Variants in ST6GAL1 observed in about 807,000 individuals in gnomAD.
ST6GAL1 encodes the protein beta-galactoside alpha-2,6-sialyltransferase 1.
Under a neutral mutation model 38.0 loss-of-function variants are expected in ST6GAL1, and 20 were observed. The ratio of observed to expected loss-of-function variants is 0.53; its 90% confidence interval spans 0.37 to 0.77. ST6GAL1 has a LOEUF of 0.77. ST6GAL1 is among the 30% of genes least tolerant of loss of function. The pLI, the probability that ST6GAL1 is intolerant of heterozygous loss-of-function variation, is 0.00. For synonymous variants in ST6GAL1, 196 were observed against 188.2 expected, an observed-to-expected ratio of 1.04 and a Z score of -0.34; for missense variants, 432 against 496.4, an observed-to-expected ratio of 0.87 and a Z score of 1.23.
chr3:187,017,865 G>T (rs951567805), intron 2 of ST6GAL1, among the ~76,000 whole-genome samples: 1 of 152,212 alleles, frequency 6.6e-6, no homozygotes, highest in Non-Finnish European at 1.5e-5. Flanking sequence ...AGTAGACATT[G>T]TCCTCACTAA....
At chr3:187,006,711 A>C (rs1040717228) in intron 2 of ST6GAL1, among the ~76,000 whole-genome samples, 3 of 152,244 alleles carry the variant, frequency 2.0e-5, no homozygotes, top group Non-Finnish European at 4.4e-5. Context: ...GAATTTTGGC[A>C]ATCTGGCCCC....
rs1478989785 is a variant in ST6GAL1, at chr3:186,969,088, G to C, written c.-183+5162G>C. Among the ~76,000 whole-genome samples, 46 of 118,150 alleles carry C rather than the reference G, an allele frequency of 3.9e-4. 1 individual carries two copies. In the Admixed American group the frequency reaches 5.2e-3, roughly 13 times the overall value. The allele number at this position is 118,150 out of a possible 152,430, so 77.5% of individuals were successfully genotyped here. A position where few individuals can be genotyped will look rare whatever the true frequency, so the allele number is the denominator to read the frequency against. Reference sequence around the variant, plus strand: ...TTTTTTTGAGACAGATTCTCACTCTGTGGGCCAGGCTGGAATGCAGTGGCG... The same window carrying C: ...TTTTTTTGAGACAGATTCTCACTCTCTGGGCCAGGCTGGAATGCAGTGGCG... On this transcript the variant is annotated intron_variant, in intron 2 of 7. Transcript: ENST00000169298.
At chr3:186,967,418 CT>C in intron 2 of ST6GAL1, among the ~76,000 whole-genome samples, 1 of 152,330 alleles carries the variant, frequency 6.6e-6, no homozygotes, top group East Asian at 1.9e-4. Flanking sequence ...TCTCGAGCTC[CT>C]GACCTCAGGT....
intron 2 of ST6GAL1, among the ~76,000 whole-genome samples, chr3:187,018,116 G>A (rs911387950): frequency 3.9e-5 from 6 of 152,308 alleles, no homozygotes; most frequent in Admixed American, 3.3e-4. Context: ...TTTGCCTGGT[G>A]AGTGCTGAGA....
At chr3:187,003,226 CAGACAGGAGG>C (rs1471743102) in intron 2 of ST6GAL1, among the ~76,000 whole-genome samples, 3 of 152,232 alleles carry the variant, frequency 2.0e-5, no homozygotes, top group African/African-American at 7.2e-5. Context: ...TCAAGGCAGT[CAGACAGGAGG>C]AGCTCCCTCT....
chr3:187,024,006 C>T (rs1221707029), intron 2 of ST6GAL1, among the ~76,000 whole-genome samples: 2 of 151,826 alleles, frequency 1.3e-5, no homozygotes, highest in African/African-American at 2.4e-5. Context: ...TTCCTCACCT[C>T]CAACTCCCTT....
chr3:186,945,498 A>C (rs566562220), intron 1 of ST6GAL1, among the ~76,000 whole-genome samples: 1 of 152,216 alleles, frequency 6.6e-6, no homozygotes, highest in East Asian at 1.9e-4. Context: ...TTAATCGACA[A>C]ACATACTTAG....
At chr3:187,051,729 C>G (rs1040846999) in intron 5 of ST6GAL1, among the ~76,000 whole-genome samples, 1 of 151,928 alleles carries the variant, frequency 6.6e-6, no homozygotes, top group South Asian at 2.1e-4. Flanking sequence ...CTTTATGAAC[C>G]GTAAAATGCT....
intron 4 of ST6GAL1, among the ~76,000 whole-genome samples, chr3:187,050,534 A>AAG (rs147505225): frequency 0.013 from 1,172 of 87,852 alleles, 10 homozygotes; most frequent in Non-Finnish European, 0.02. Context: ...CTTACAAAGA[A>AAG]AGAGAGAGAG....
chr3:187,037,604 A>T (rs1008066559), intron 2 of ST6GAL1, among the ~76,000 whole-genome samples: 1 of 152,106 alleles, frequency 6.6e-6, no homozygotes, highest in Non-Finnish European at 1.5e-5. Flanking sequence ...TTGTTTAGAG[A>T]CAGGTTCACT....
At chr3:186,938,744 T>C (rs981668706) in intron 1 of ST6GAL1, among the ~76,000 whole-genome samples, 2 of 152,318 alleles carry the variant, frequency 1.3e-5, no homozygotes, top group South Asian at 2.1e-4. Flanking sequence ...AAGAAGAGTG[T>C]AAGGAACCCT....
intron 2 of ST6GAL1, among the ~76,000 whole-genome samples, chr3:186,984,381 C>T (rs948913775): frequency 1.3e-5 from 2 of 152,130 alleles, no homozygotes; most frequent in African/African-American, 2.4e-5. Flanking sequence ...CCTGCAGCAG[C>T]TCCTATTTTA....
intron 4 of ST6GAL1, 72 bp downstream of exon 4, chr3:187,043,382 A>G: frequency 1.3e-6 from 2 of 1,548,192 alleles, no homozygotes; most frequent in Non-Finnish European, 1.7e-6. Context: ...GGTATGGGAG[A>G]CAAGTGGCCC....
At chr3:187,012,029 C>T (rs572563864) in intron 2 of ST6GAL1, among the ~76,000 whole-genome samples, 1 of 152,272 alleles carries the variant, frequency 6.6e-6, no homozygotes, top group South Asian at 2.1e-4. Flanking sequence ...TGGTCTCTGC[C>T]TCAATTTATT....
At chr3:187,007,722 T>C (rs1184621906) in intron 2 of ST6GAL1, among the ~76,000 whole-genome samples, 1 of 152,218 alleles carries the variant, frequency 6.6e-6, no homozygotes, top group Non-Finnish European at 1.5e-5. Flanking sequence ...GCAGTAACAC[T>C]GAAATGACTT....
intron 2 of ST6GAL1, among the ~76,000 whole-genome samples, chr3:187,035,544 A>C (rs1717900754): frequency 6.6e-6 from 1 of 152,234 alleles, no homozygotes. Context: ...TGGTACTGGT[A>C]CCAAAACAGA....
chr3:187,051,504 T>C (rs1718512967), intron 5 of ST6GAL1, 158 bp downstream of exon 5: 2 of 630,002 alleles, frequency 3.2e-6, no homozygotes, highest in Admixed American at 5.6e-5. Flanking sequence ...AATGATTCCA[T>C]GACCCAACCT....
rs1178551334 is a variant in ST6GAL1 at position 186,991,249 on chromosome 3, T to C, written c.-183+27323T>C. On this transcript the variant is annotated intron_variant, in intron 2 of 7. Transcript: ENST00000169298. ...ATTCATGATTCATTTGTTCAGGGCATACAAAAGGCATTTCTTAGGACCTAA... is the reference window on the plus strand; with the variant it reads ...ATTCATGATTCATTTGTTCAGGGCACACAAAAGGCATTTCTTAGGACCTAA... Among the ~76,000 whole-genome samples, 4 of 152,134 alleles carry C rather than the reference T, an allele frequency of 2.6e-5. No homozygotes were observed. The East Asian group carries it at 7.7e-4, about 29-fold the overall frequency.
rs1468378068 is a variant in ST6GAL1, at chr3:187,042,841, G to T, written c.138G>T (p.Gln46His). Residue 46 changes from glutamine (Q) to histidine (H), a missense_variant, in exon 4 of 8, where the codon CAG (glutamine) becomes CAT (histidine). Gln to His is a conservative substitution (Grantham distance 24). Coordinates refer to ENST00000169298, the MANE Select transcript of ST6GAL1 (RefSeq NM_173216.2). ...TTAAATTGCAAACCAAGGAATTCCA[G>T]GTGTTAAAGAGTCTGGGGAAATTGG... ...DSFKLQTKEF[Q>H]VLKSLGKLAM... 1 of 1,614,104 alleles carries T rather than the reference G, an allele frequency of 6.2e-7. No individual in the cohort carries two copies. The highest frequency in any genetic ancestry group is 8.5e-7 in the Non-Finnish European group (1 of 1,180,044).
Sources: allele counts gnomAD v4.1 joint callset (sites outside exome capture counted in the v4.1 genomes callset), GRCh38; gene constraint gnomAD v4.1.1; transcripts MANE v1.5; gene names NCBI Gene and HGNC (gene_info 2026-07-23, HGNC 2026-07-21).